Variants in SPOCK1 observed in about 807,000 individuals in gnomAD.
The protein encoded by SPOCK1 is SPARC (osteonectin), cwcv and kazal like domains proteoglycan 1.
Under a neutral mutation model 55.3 loss-of-function variants are expected in SPOCK1, and 23 were observed. The ratio of observed to expected loss-of-function variants is 0.42; its 90% confidence interval spans 0.30 to 0.59. The LOEUF (loss-of-function observed/expected upper bound fraction) is 0.59, where lower values mean the gene tolerates loss of function less well. Among genes scored for constraint, SPOCK1 ranks in the 20% least tolerant of loss-of-function variants. The pLI, the probability that SPOCK1 is intolerant of heterozygous loss-of-function variation, is 0.22. For synonymous variants in SPOCK1, 226 were observed against 221.0 expected (o/e 1.02, Z -0.20); for missense variants, 499 against 552.5 (o/e 0.90, Z 0.97).
intron 8 of SPOCK1, 98 bp downstream of exon 8, chr5:136,988,324 G>T: frequency 1.1e-6 from 1 of 870,944 alleles, no homozygotes; most frequent in African/African-American, 1.7e-5. Flanking sequence ...TTATTCTCTG[G>T]CTGTGGCTCT....
At chr5:136,991,528 A>G (rs1296554981) in intron 7 of SPOCK1, among the ~76,000 whole-genome samples, 1 of 152,142 alleles carries the variant, frequency 6.6e-6, no homozygotes, top group African/African-American at 2.4e-5. Flanking sequence ...CTAACTTCTT[A>G]CCTACTGCAT....
At chr5:137,252,420 C>T (rs1756551220) in intron 3 of SPOCK1, among the ~76,000 whole-genome samples, 1 of 152,222 alleles carries the variant, frequency 6.6e-6, no homozygotes, top group African/African-American at 2.4e-5. Context: ...CATGATCACA[C>T]AGCAGCCACT....
intron 2 of SPOCK1, among the ~76,000 whole-genome samples, chr5:137,275,230 G>A (rs886600341): frequency 2.6e-5 from 4 of 152,214 alleles, no homozygotes; most frequent in South Asian, 2.1e-4. Context: ...AGCCTTGTCC[G>A]AGTATCACAA....
intron 3 of SPOCK1, among the ~76,000 whole-genome samples, chr5:137,221,040 A>T (rs972007157): frequency 5.9e-5 from 9 of 152,210 alleles, no homozygotes; most frequent in Non-Finnish European, 8.8e-5. Context: ...TATCTGCTTA[A>T]ATAGGTGTGT....
chr5:137,298,046 G>C (rs761746006), intron 2 of SPOCK1, among the ~76,000 whole-genome samples: 109 of 152,142 alleles, frequency 7.2e-4, no homozygotes, highest in Non-Finnish European at 1.3e-3. Flanking sequence ...CCACCCACTA[G>C]CTGTGAAACT....
rs1751793222 is a variant in SPOCK1 at position 137,032,165 on chromosome 5, C to T, written c.589+35550G>A. Among the ~76,000 whole-genome samples, 3 of 151,944 alleles carry T rather than the reference C, an allele frequency of 2.0e-5. No individual in the cohort carries two copies. The South Asian group carries it at 6.2e-4, about 31-fold the overall frequency. ...TCACTAGAAACTTCTGAACAGCAAG[C>T]TACATGTCAGGAGCTCAGTACACGT... On this transcript the variant is annotated intron_variant, in intron 6 of 10. Coordinates refer to ENST00000394945, the MANE Select transcript of SPOCK1 (RefSeq NM_004598.4).
intron 6 of SPOCK1, among the ~76,000 whole-genome samples, chr5:137,066,585 G>A (rs1245940247): frequency 2.6e-5 from 4 of 152,116 alleles, no homozygotes; most frequent in Non-Finnish European, 5.9e-5. Flanking sequence ...ACACCACATG[G>A]CTTTAGATTT....
intron 2 of SPOCK1, among the ~76,000 whole-genome samples, chr5:137,438,088 A>C (rs540297953): frequency 6.6e-6 from 1 of 152,210 alleles, no homozygotes; most frequent in African/African-American, 2.4e-5. Flanking sequence ...CATATGTCAG[A>C]ATTTCTTTCC....
chr5:137,136,682 C>G (rs909097525), intron 4 of SPOCK1, among the ~76,000 whole-genome samples: 1 of 152,106 alleles, frequency 6.6e-6, no homozygotes, highest in African/African-American at 2.4e-5. Flanking sequence ...TATCATTACA[C>G]CAAACTAAAT....
chr5:137,105,688 G>A, intron 5 of SPOCK1, among the ~76,000 whole-genome samples: 1 of 152,192 alleles, frequency 6.6e-6, no homozygotes, highest in East Asian at 1.9e-4. Flanking sequence ...ACAATATGCT[G>A]AAAGAAATGC....
chr5:137,121,935 C>T (rs1291344085), intron 4 of SPOCK1, among the ~76,000 whole-genome samples: 1 of 142,962 alleles, frequency 7.0e-6, no homozygotes, highest in Non-Finnish European at 1.5e-5. Context: ...TATTATATAA[C>T]AGTATTATAT....
rs572795112 is a variant in SPOCK1, at chr5:137,405,676, G to A, written c.186+92697C>T. Among the ~76,000 whole-genome samples the A allele has an allele frequency of 7.2e-5, 11 of 152,278 alleles. No homozygotes were observed. In the South Asian group the frequency reaches 1.7e-3, roughly 23 times the overall value. ...AGGTACCAAGAAGAACAAACCCACC[G>A]ACAACATCGAAATTGCAGAGGGCAA... On this transcript the variant is annotated intron_variant, in intron 2 of 10. Coordinates refer to ENST00000394945, the MANE Select transcript of SPOCK1 (RefSeq NM_004598.4).
At chr5:137,356,834 TATATAGAGAGAGAG>T (rs1750823109) in intron 2 of SPOCK1, among the ~76,000 whole-genome samples, 1 of 9,456 alleles carries the variant, frequency 1.1e-4, no homozygotes, top group Non-Finnish European at 2.0e-4. Flanking sequence ...TATATATATA[TATATAGAGAGAGAG>T]AGAGAGAGAG....
intron 2 of SPOCK1, among the ~76,000 whole-genome samples, chr5:137,273,741 C>T (rs916185038): frequency 2.0e-5 from 3 of 152,166 alleles, no homozygotes; most frequent in African/African-American, 7.2e-5. Flanking sequence ...GAGTAATTGC[C>T]TGTGACATTG....
At chr5:137,112,006 G>C (rs534922973) in intron 5 of SPOCK1, among the ~76,000 whole-genome samples, 1 of 152,236 alleles carries the variant, frequency 6.6e-6, no homozygotes, top group Admixed American at 6.5e-5. Context: ...TAGATGTGCA[G>C]TAAGTGTGAA....
intron 6 of SPOCK1, among the ~76,000 whole-genome samples, chr5:137,062,659 G>C (rs1414661948): frequency 1.3e-5 from 2 of 151,888 alleles, no homozygotes; most frequent in African/African-American, 4.8e-5. Flanking sequence ...GAGCTAAAAA[G>C]TGACTTTGCT....
chr5:137,373,336 T>A (rs960032488), intron 2 of SPOCK1, among the ~76,000 whole-genome samples: 7 of 152,166 alleles, frequency 4.6e-5, no homozygotes, highest in African/African-American at 1.4e-4. Context: ...CTACTGAGAA[T>A]ACCTAGAGTT....
intron 2 of SPOCK1, among the ~76,000 whole-genome samples, chr5:137,271,537 T>C (rs1756963567): frequency 6.6e-6 from 1 of 152,130 alleles, no homozygotes; most frequent in Admixed American, 6.5e-5. Flanking sequence ...CTTGCTATAA[T>C]TTGGGTGATT....
At chr5:137,463,206 T>C (rs1291612615) in intron 2 of SPOCK1, among the ~76,000 whole-genome samples, 1 of 152,180 alleles carries the variant, frequency 6.6e-6, no homozygotes, top group East Asian at 1.9e-4. Context: ...GAAATCAGCA[T>C]TTTAAAGAGA....
Sources: allele counts gnomAD v4.1 joint callset (sites outside exome capture counted in the v4.1 genomes callset), GRCh38; gene constraint gnomAD v4.1.1; transcripts MANE v1.5; gene names NCBI Gene and HGNC (gene_info 2026-07-23, HGNC 2026-07-21).